RBMS3: variants seen among roughly 807,000 people sequenced by gnomAD.
RBMS3 encodes the protein RNA-binding motif, single-stranded-interacting protein 3.
RBMS3 carries 27 observed loss-of-function variants against 66.8 expected under a neutral mutation model. The observed-to-expected ratio is 0.40, with a 90% CI of 0.30 to 0.56. The LOEUF is 0.56. RBMS3 is among the 20% of genes least tolerant of loss of function. The probability of loss-of-function intolerance (pLI) is 0.40; values close to 1 mark genes in which losing one functional copy is unlikely to be tolerated. For missense variants in RBMS3, 513 were observed against 549.5 expected (o/e 0.93, Z 0.66); for synonymous variants, 188 against 183.0 (o/e 1.03, Z -0.22).
intron 5 of RBMS3, among the ~76,000 whole-genome samples, chr3:29,761,498 C>T (rs1309820059): frequency 6.6e-6 from 1 of 152,108 alleles, no homozygotes; most frequent in African/African-American, 2.4e-5. Context: ...AGCTGCCCAG[C>T]TCAGCCCCCT....
In RBMS3 at chr3:29,884,200, A is replaced by G. The variant is rs1333381658; in HGVS notation, c.783A>G (p.Ile261Met). The G allele has an allele frequency of 3.1e-6, 5 of 1,610,770 alleles. No homozygotes were observed. The Admixed American group carries it at 8.4e-5, about 27-fold the overall frequency. The part of the protein sequence containing the change: ...MALTYDPTAA[I>M]QNGFYSSPYS... ...TGACCTATGACCCCACAGCTGCCAT[A>G]CAGAATGGGTAAGTAGATCACATTT... Residue 261 changes from isoleucine (I) to methionine (M), a missense_variant, in exon 8 of 15, where the codon ATA (isoleucine) becomes ATG (methionine). By Grantham distance (10) the Ile-to-Met change is conservative. Coordinates refer to ENST00000383767, the MANE Select transcript of RBMS3 (RefSeq NM_001003793.3).
At chr3:29,462,023 G>A (rs572183520) in intron 2 of RBMS3, among the ~76,000 whole-genome samples, 9 of 141,030 alleles carry the variant, frequency 6.4e-5, no homozygotes, top group Admixed American at 5.6e-4. Flanking sequence ...TGATCCGCCC[G>A]TCTCAGCTTC....
At chr3:29,583,852 C>T (rs2047416287) in intron 3 of RBMS3, among the ~76,000 whole-genome samples, 1 of 152,088 alleles carries the variant, frequency 6.6e-6, no homozygotes, top group African/African-American at 2.4e-5. Context: ...CATGAATACT[C>T]AGCAGTTTCC....
intron 8 of RBMS3, among the ~76,000 whole-genome samples, chr3:29,888,934 T>C (rs2059935799): frequency 6.6e-6 from 1 of 151,528 alleles, no homozygotes; most frequent in African/African-American, 2.4e-5. Flanking sequence ...ACACTAAGCT[T>C]TTTACTCCCT....
chr3:29,864,493 G>A (rs2059295637), intron 6 of RBMS3, among the ~76,000 whole-genome samples: 1 of 152,112 alleles, frequency 6.6e-6, no homozygotes, highest in African/African-American at 2.4e-5. Context: ...TCTTTTTGTT[G>A]TTGTTGTTGT....
chr3:29,735,583 T>C (rs760769715), intron 4 of RBMS3, among the ~76,000 whole-genome samples: 1 of 152,212 alleles, frequency 6.6e-6, no homozygotes, highest in Non-Finnish European at 1.5e-5. Context: ...TGACTGTGTG[T>C]AGAATACTAG....
intron 12 of RBMS3, among the ~76,000 whole-genome samples, chr3:29,945,331 T>C (rs558438520): frequency 1.3e-5 from 2 of 151,826 alleles, no homozygotes; most frequent in Non-Finnish European, 3.0e-5. Flanking sequence ...TTTAATTTCT[T>C]ATAGCCTTGT....
chr3:29,533,972 G>C (rs1530057), intron 3 of RBMS3, among the ~76,000 whole-genome samples: 1 of 152,214 alleles, frequency 6.6e-6, no homozygotes. Context: ...TCCTAAATCC[G>C]CTGCATGTTC....
intron 4 of RBMS3, among the ~76,000 whole-genome samples, chr3:29,623,228 A>G (rs2048937511): frequency 6.6e-6 from 1 of 151,520 alleles, no homozygotes; most frequent in South Asian, 2.1e-4. Flanking sequence ...TAATTTTAAG[A>G]TGGCTATAAT....
intron 4 of RBMS3, among the ~76,000 whole-genome samples, chr3:29,647,868 C>G (rs190674500): frequency 1.3e-5 from 2 of 152,164 alleles, no homozygotes; most frequent in African/African-American, 2.4e-5. Context: ...TTGTGAATGT[C>G]CTGTCCAATC....
At chr3:29,703,637 A>C (rs1256383922) in intron 4 of RBMS3, among the ~76,000 whole-genome samples, 2 of 152,190 alleles carry the variant, frequency 1.3e-5, no homozygotes, top group Admixed American at 1.3e-4. Context: ...CATTTCTATC[A>C]AGTTAATTGC....
rs1400152915 is a variant in RBMS3, at chr3:29,866,609, A to G, written c.638-2249A>G. 7.9e-5 allele frequency among the ~76,000 whole-genome samples: 12 copies of G among 152,230 alleles called. 1 individual carries two copies. The highest frequency in any genetic ancestry group is 5.9e-4 in the Admixed American group (9 of 15,276). Reference sequence around the variant, plus strand: ...AGAGCAGGATGAGTTTACATGTGATATAAATACATAGTTTTGGAATCTCAC... The same window carrying G: ...AGAGCAGGATGAGTTTACATGTGATGTAAATACATAGTTTTGGAATCTCAC... On this transcript the variant is annotated intron_variant, in intron 6 of 14. Coordinates refer to ENST00000383767, the MANE Select transcript of RBMS3 (RefSeq NM_001003793.3).
intron 6 of RBMS3, among the ~76,000 whole-genome samples, chr3:29,784,700 A>G (rs1373697730): frequency 6.6e-6 from 1 of 152,106 alleles, no homozygotes; most frequent in African/African-American, 2.4e-5. Context: ...GCAGAACTAA[A>G]TGAATTTGAA....
chr3:29,728,392 A>G (rs964141328), intron 4 of RBMS3, among the ~76,000 whole-genome samples: 1 of 152,132 alleles, frequency 6.6e-6, no homozygotes, highest in Non-Finnish European at 1.5e-5. Context: ...AAATGTAAAT[A>G]ATGTATATGC....
chr3:29,777,843 G>T (rs1438006280), intron 6 of RBMS3, among the ~76,000 whole-genome samples: 6 of 151,696 alleles, frequency 4.0e-5, no homozygotes, highest in Non-Finnish European at 7.4e-5. Flanking sequence ...CACAGTTTTT[G>T]TCTTCTCAGA....
intron 7 of RBMS3, among the ~76,000 whole-genome samples, chr3:29,875,525 C>A (rs2059592659): frequency 6.6e-6 from 1 of 151,744 alleles, no homozygotes; most frequent in African/African-American, 2.4e-5. Flanking sequence ...TATCAATTAT[C>A]ATTTAAATCC....
At chr3:29,363,208 G>T (rs1172570755) in intron 1 of RBMS3, among the ~76,000 whole-genome samples, 1 of 152,168 alleles carries the variant, frequency 6.6e-6, no homozygotes, top group African/African-American at 2.4e-5. Context: ...TATTCAGAAA[G>T]TTGGATACAA....
intron 1 of RBMS3, among the ~76,000 whole-genome samples, chr3:29,313,674 G>T (rs59146411): frequency 0.091 from 13,812 of 151,632 alleles, 643 homozygotes; most frequent in African/African-American, 0.12. Flanking sequence ...ACGCCTTATG[G>T]TACACAGACT....
At chr3:29,644,320 C>G (rs768685618) in intron 4 of RBMS3, among the ~76,000 whole-genome samples, 31 of 152,180 alleles carry the variant, frequency 2.0e-4, no homozygotes, top group Non-Finnish European at 3.7e-4. Flanking sequence ...AATTTGCATC[C>G]TCTCAACTGA....
Sources: allele counts gnomAD v4.1 joint callset (sites outside exome capture counted in the v4.1 genomes callset), GRCh38; gene constraint gnomAD v4.1.1; transcripts MANE v1.5; gene names NCBI Gene and HGNC (gene_info 2026-07-23, HGNC 2026-07-21).